SH3RF2: variants seen among roughly 807,000 people sequenced by gnomAD.
The protein encoded by SH3RF2 is E3 ubiquitin-protein ligase SH3RF2.
SH3RF2 carries 43 observed loss-of-function variants against 59.0 expected under a neutral mutation model. The ratio of observed to expected loss-of-function variants is 0.73; its 90% confidence interval spans 0.57 to 0.94. The LOEUF is 0.94. Ranked by LOEUF, SH3RF2 falls within the 40% of genes least tolerant of loss-of-function variation. The probability of loss-of-function intolerance (pLI) is 0.00; values close to 1 mark genes in which losing one functional copy is unlikely to be tolerated. For missense variants in SH3RF2, 930 were observed against 940.1 expected (o/e 0.99, Z 0.14); for synonymous variants, 391 against 391.5 (o/e 1.00, Z 0.01).
At chr5:146,032,817 C>T (rs984813085) in intron 5 of SH3RF2, among the ~76,000 whole-genome samples, 6 of 152,218 alleles carry the variant, frequency 3.9e-5, no homozygotes, top group African/African-American at 1.4e-4. Flanking sequence ...GGGGCAAACC[C>T]TTCCTGGCTT....
chr5:146,080,605 A>T (rs1028364135), exon 10 of SH3RF2: 1 of 152,208 alleles, frequency 6.6e-6, no homozygotes, highest in African/African-American at 2.4e-5. Flanking sequence ...AGGGCTGGCA[A>T]CTTATTTCCT....
chr5:146,002,723 C>A (rs1399684883), intron 3 of SH3RF2, among the ~76,000 whole-genome samples: 2 of 152,188 alleles, frequency 1.3e-5, no homozygotes, highest in Non-Finnish European at 2.9e-5. Context: ...ACTGCCTGAG[C>A]TCCACCTTCT....
chr5:145,985,223 C>T (rs1759655449), intron 2 of SH3RF2, among the ~76,000 whole-genome samples: 1 of 152,184 alleles, frequency 6.6e-6, no homozygotes, highest in South Asian at 2.1e-4. Flanking sequence ...CTTCCCAGGG[C>T]TTGTGGTCTC....
rs1402761216 is a variant in SH3RF2, at chr5:146,048,976, G to A, written c.1152-99G>A. On this transcript the variant is annotated intron_variant, in intron 6 of 9. Transcript: ENST00000359120. ...CCGCTCGACCAAGAAGGTTCTTATT[G>A]CTAACCACTGGGCAGTCTCTCTCCA... 7 of 1,419,370 alleles carry A rather than the reference G, an allele frequency of 4.9e-6. No homozygotes were observed. In the Admixed American group the frequency reaches 1.2e-4, roughly 25 times the overall value. 87.9% of individuals were successfully genotyped at this position (1,419,370 alleles called of 1,614,324 possible).
At chr5:146,074,682 A>G (rs1763307645) in intron 9 of SH3RF2, among the ~76,000 whole-genome samples, 1 of 152,218 alleles carries the variant, frequency 6.6e-6, no homozygotes, top group Admixed American at 6.5e-5. Flanking sequence ...TCATTAGGGT[A>G]TAGTTATTGA....
intron 1 of SH3RF2, chr5:145,937,221 G>C (rs1757622661): frequency 6.6e-6 from 1 of 152,024 alleles, no homozygotes; most frequent in African/African-American, 2.4e-5. Flanking sequence ...CAAGCACCCT[G>C]ACCTGTGGTT....
At chr5:145,997,136 C>T in intron 2 of SH3RF2, 1 of 662,082 alleles carries the variant, frequency 1.5e-6, no homozygotes. Flanking sequence ...CATCACCCAG[C>T]AATGAATGAG....
chr5:146,057,552 T>G (rs537640537), intron 8 of SH3RF2, among the ~76,000 whole-genome samples: 220 of 152,344 alleles, frequency 1.4e-3, no homozygotes, highest in African/African-American at 5.1e-3. Flanking sequence ...CAGGAAACAT[T>G]AGTTTTTTAT....
intron 2 of SH3RF2, among the ~76,000 whole-genome samples, chr5:145,988,891 C>T (rs1043533818): frequency 6.6e-6 from 1 of 152,138 alleles, no homozygotes; most frequent in African/African-American, 2.4e-5. Context: ...GGCTAACCAG[C>T]CCTTTCTAAT....
intron 5 of SH3RF2, among the ~76,000 whole-genome samples, chr5:146,023,078 T>C (rs1761390333): frequency 6.6e-6 from 1 of 152,182 alleles, no homozygotes; most frequent in Middle Eastern, 3.4e-3. Flanking sequence ...TCCCTCCTTC[T>C]CCCTTAACCA....
intron 7 of SH3RF2, among the ~76,000 whole-genome samples, chr5:146,054,109 C>T (rs1298734137): frequency 1.3e-5 from 2 of 152,100 alleles, no homozygotes; most frequent in Non-Finnish European, 2.9e-5. Context: ...CTGGGGGTGT[C>T]CTGGGGGTTA....
downstream of SH3RF2, among the ~76,000 whole-genome samples, chr5:146,067,523 T>C (rs1217651360): frequency 6.6e-6 from 1 of 152,310 alleles, no homozygotes; most frequent in East Asian, 1.9e-4. Flanking sequence ...AGGAGTGTAG[T>C]AAGCCTGGCC....
intron 2 of SH3RF2, among the ~76,000 whole-genome samples, chr5:145,996,335 G>A (rs1169818832): frequency 6.6e-6 from 1 of 152,134 alleles, no homozygotes; most frequent in African/African-American, 2.4e-5. Context: ...AATAAAATAC[G>A]ACCTTAGGTG....
chr5:146,064,580 GA>G (rs1762999892), downstream of SH3RF2, among the ~76,000 whole-genome samples: 1 of 47,156 alleles, frequency 2.1e-5, no homozygotes, highest in African/African-American at 7.4e-5. Flanking sequence ...GGGAAGGAAG[GA>G]AGGGGGAGAG....
In SH3RF2 at chr5:146,062,756, T is replaced by G; in HGVS notation, c.*55T>G. ...AGAGGTGAATTGCATTTAAATACAG[T>G]CTGCCTCCACTGAGGGCATCCTGCC... On this transcript the variant is annotated 3_prime_UTR_variant, in exon 10 of 10. Coordinates refer to ENST00000359120, the MANE Select transcript of SH3RF2 (RefSeq NM_152550.4). 6.4e-7 allele frequency: 1 copy of G among 1,566,778 alleles called. No individual in the cohort carries two copies. Among genetic ancestry groups the G allele is most frequent in the Non-Finnish European group, 8.7e-7 (1 of 1,153,448 alleles).
intron 2 of SH3RF2, among the ~76,000 whole-genome samples, chr5:145,986,625 A>G (rs1451296985): frequency 6.6e-6 from 1 of 152,116 alleles, no homozygotes; most frequent in Non-Finnish European, 1.5e-5. Context: ...GTTCAGTCCT[A>G]TCCCATTGAA....
chr5:145,948,540 G>A (rs1758077655), intron 2 of SH3RF2, among the ~76,000 whole-genome samples: 1 of 152,222 alleles, frequency 6.6e-6, no homozygotes, highest in Non-Finnish European at 1.5e-5. Flanking sequence ...AGCCTATTAG[G>A]AAAACATTAG....
Position 146,005,854 on chromosome 5 carries a change from TA to T in SH3RF2, c.744+1718del, listed in dbSNP as rs34318684. 4.3e-3 allele frequency among the ~76,000 whole-genome samples: 563 copies of T among 129,630 alleles called. 3 individuals carry two copies. Among genetic ancestry groups the T allele is most frequent in the African/African-American group, 0.011 (370 of 34,164 alleles). The allele number at this position is 129,630 out of a possible 152,430, so 85.0% of individuals were successfully genotyped here. ...CCTAACACAGAACAAGCACTCTGTT[TA>T]AAAAAAAAAAAAAAAAGCTTAGCAA... On this transcript the variant is annotated intron_variant, in intron 4 of 9. Coordinates refer to ENST00000359120, the MANE Select transcript of SH3RF2 (RefSeq NM_152550.4).
intron 4 of SH3RF2, among the ~76,000 whole-genome samples, chr5:146,008,852 T>C (rs965320543): frequency 6.6e-6 from 1 of 152,194 alleles, no homozygotes; most frequent in Non-Finnish European, 1.5e-5. Flanking sequence ...GTTTTCTTTT[T>C]CCAGAATGTC....
Sources: gnomAD v4.1 joint callset for allele counts (sites outside exome capture counted in the v4.1 genomes callset) on GRCh38, gnomAD v4.1.1 for gene constraint, MANE v1.5 for transcripts, NCBI Gene and HGNC (gene_info 2026-07-23, HGNC 2026-07-21) for gene names.